Variants in TENM4 observed in about 807,000 individuals in gnomAD.
TENM4 encodes the protein teneurin-4.
A neutral mutation model predicts 243.3 loss-of-function variants in TENM4; 82 were observed. The observed-to-expected ratio is 0.34, with a 90% CI of 0.28 to 0.40. The LOEUF is 0.40. TENM4 is among the 10% of genes least tolerant of loss of function. The pLI is 1.00. For synonymous variants in TENM4, 1,412 were observed against 1,456.3 expected, an observed-to-expected ratio of 0.97 and a Z score of 0.69; for missense variants, 3,138 against 3,673.3, an observed-to-expected ratio of 0.85 and a Z score of 3.77.
At chr11:78,913,329 T>C (rs1480371890) in intron 6 of TENM4, among the ~76,000 whole-genome samples, 1 of 152,196 alleles carries the variant, frequency 6.6e-6, no homozygotes, top group Non-Finnish European at 1.5e-5. Context: ...CTGTAAAATC[T>C]GAACAGGCAG....
intron 3 of TENM4, among the ~76,000 whole-genome samples, chr11:79,176,910 C>T (rs1863170407): frequency 6.6e-6 from 1 of 152,126 alleles, no homozygotes; most frequent in Admixed American, 6.6e-5. Context: ...GGAGACCGGT[C>T]AGGGTGGGGG....
chr11:78,684,492 C>T (rs1858609273), intron 29 of TENM4, among the ~76,000 whole-genome samples: 1 of 152,170 alleles, frequency 6.6e-6, no homozygotes, highest in Non-Finnish European at 1.5e-5. Context: ...TCTTGTCTCT[C>T]CTCTATCTCC....
chr11:78,854,724 G>A (rs1858635107), intron 11 of TENM4, among the ~76,000 whole-genome samples: 1 of 152,084 alleles, frequency 6.6e-6, no homozygotes, highest in African/African-American at 2.4e-5. Context: ...GGGGGTGGTG[G>A]AGGGGAGCAG....
At chr11:78,845,611 C>G (rs151236657) in intron 12 of TENM4, among the ~76,000 whole-genome samples, 12 of 152,068 alleles carry the variant, frequency 7.9e-5, no homozygotes, top group Admixed American at 3.3e-4. Flanking sequence ...AGGGTGTTAC[C>G]GAACAGGCGG....
intron 9 of TENM4, among the ~76,000 whole-genome samples, chr11:78,880,215 C>A (rs1343296581): frequency 1.3e-5 from 2 of 152,058 alleles, no homozygotes; most frequent in Non-Finnish European, 2.9e-5. Flanking sequence ...GGATTAAGGG[C>A]GGTGCAAGAT....
chr11:79,376,655 T>C (rs1398821494), intron 1 of TENM4, among the ~76,000 whole-genome samples: 4 of 151,264 alleles, frequency 2.6e-5, no homozygotes, highest in African/African-American at 9.7e-5. Flanking sequence ...CGAACAGTGG[T>C]CCCAACATCT....
At chr11:79,439,663 C>CCA (rs141828517) in intron 1 of TENM4, among the ~76,000 whole-genome samples, 21,106 of 146,686 alleles carry the variant, frequency 0.14, 1,957 homozygotes, top group African/African-American at 0.26. Context: ...GTGTGTGTGT[C>CCA]CACACACACA....
intron 12 of TENM4, among the ~76,000 whole-genome samples, chr11:78,826,432 A>C (rs1388678283): frequency 1.3e-5 from 2 of 152,130 alleles, no homozygotes; most frequent in African/African-American, 4.8e-5. Flanking sequence ...GAAAATGCAC[A>C]AAACTATATA....
chr11:79,353,725 A>T (rs1857452123), intron 1 of TENM4, among the ~76,000 whole-genome samples: 1 of 151,134 alleles, frequency 6.6e-6, no homozygotes, highest in Admixed American at 6.6e-5. Flanking sequence ...AACCAGCCAG[A>T]GATATGTGAT....
At chr11:79,119,613 C>G (rs1369139011) in intron 4 of TENM4, among the ~76,000 whole-genome samples, 1 of 152,198 alleles carries the variant, frequency 6.6e-6, no homozygotes. Flanking sequence ...GCTCATTAAG[C>G]AGTTCAAACC....
intron 2 of TENM4, among the ~76,000 whole-genome samples, chr11:79,285,975 T>A (rs1856243130): frequency 6.6e-6 from 1 of 152,134 alleles, no homozygotes; most frequent in African/African-American, 2.4e-5. Context: ...GTTGCACAAC[T>A]CTGTGAATAG....
At chr11:78,986,344 T>G (rs1290150514) in intron 6 of TENM4, among the ~76,000 whole-genome samples, 1 of 152,226 alleles carries the variant, frequency 6.6e-6, no homozygotes, top group Non-Finnish European at 1.5e-5. Context: ...TATCTTATTT[T>G]CATAAAATCT....
chr11:79,131,886 T>C (rs965461622), intron 4 of TENM4, among the ~76,000 whole-genome samples: 1 of 152,112 alleles, frequency 6.6e-6, no homozygotes, highest in African/African-American at 2.4e-5. Flanking sequence ...CAGGGGTAGC[T>C]ATTCTTATAT....
At chr11:79,406,699 T>A (rs1330970088) in intron 1 of TENM4, among the ~76,000 whole-genome samples, 1 of 152,210 alleles carries the variant, frequency 6.6e-6, no homozygotes, top group African/African-American at 2.4e-5. Context: ...CAGGCCTTTG[T>A]CACATCTAAG....
chr11:79,069,413 T>C (rs1031160918), intron 5 of TENM4, among the ~76,000 whole-genome samples: 1 of 152,214 alleles, frequency 6.6e-6, no homozygotes, highest in Non-Finnish European at 1.5e-5. Flanking sequence ...AGTTGAGGAC[T>C]GAGGCTTAGA....
chr11:79,051,903 A>G (rs1859803727), intron 6 of TENM4, among the ~76,000 whole-genome samples: 1 of 152,198 alleles, frequency 6.6e-6, no homozygotes, highest in South Asian at 2.1e-4. Context: ...TTAGTTTGCT[A>G]AGGATGATGG....
At chr11:79,161,258 C>T (rs773582505) in intron 3 of TENM4, among the ~76,000 whole-genome samples, 27 of 152,218 alleles carry the variant, frequency 1.8e-4, no homozygotes, top group African/African-American at 5.1e-4. Flanking sequence ...GCCCACATTA[C>T]GTCTTCTTGA....
chr11:79,357,044 C>A (rs1257814541), intron 1 of TENM4, among the ~76,000 whole-genome samples: 1 of 152,108 alleles, frequency 6.6e-6, no homozygotes. Context: ...GCCAGAGACC[C>A]TCTTCTCTTC....
chr11:79,104,455 T>G (rs144024887), intron 4 of TENM4, among the ~76,000 whole-genome samples: 2 of 152,346 alleles, frequency 1.3e-5, no homozygotes, highest in Admixed American at 6.5e-5. Flanking sequence ...GATGTGACCT[T>G]TCTATTTAGA....
Sources: gnomAD v4.1 joint callset for allele counts (sites outside exome capture counted in the v4.1 genomes callset) on GRCh38, gnomAD v4.1.1 for gene constraint, MANE v1.5 for transcripts, NCBI Gene and HGNC (gene_info 2026-07-23, HGNC 2026-07-21) for gene names.